Variants in INVS observed in about 807,000 individuals in gnomAD.
INVS encodes the protein inversion of embryo turning homolog.
A neutral mutation model predicts 108.8 loss-of-function variants in INVS; 86 were observed. That is an observed-to-expected ratio of 0.79 (90% CI 0.66 to 0.95). The LOEUF (loss-of-function observed/expected upper bound fraction) is 0.95, where lower values mean the gene tolerates loss of function less well. Ranked by LOEUF, INVS falls within the 40% of genes least tolerant of loss-of-function variation. The probability of loss-of-function intolerance (pLI) is 0.00; values close to 1 mark genes in which losing one functional copy is unlikely to be tolerated. For synonymous variants in INVS, 455 were observed against 473.5 expected, an observed-to-expected ratio of 0.96 and a Z score of 0.51; for missense variants, 1,169 against 1,297.4, an observed-to-expected ratio of 0.90 and a Z score of 1.52.
At chr9:100,175,517 A>G in intron 3 of INVS, 2 of 749,862 alleles carry the variant, frequency 2.7e-6, no homozygotes, top group East Asian at 5.1e-5. Flanking sequence ...AGCAGATGCA[A>G]GAACTTTACA....
At chr9:100,226,034 T>G (rs1367054214) in intron 3 of INVS, 28 bp from the exon 4 acceptor site, 1 of 1,567,668 alleles carries the variant, frequency 6.4e-7, no homozygotes. Context: ...GTACATTTTT[T>G]TCTTATCATC....
intron 10 of INVS, among the ~76,000 whole-genome samples, chr9:100,256,927 G>A (rs892460716): frequency 1.2e-4 from 18 of 152,264 alleles, no homozygotes; most frequent in East Asian, 5.8e-4. Context: ...TATTAGGTCC[G>A]CTTGGTGCAG....
chr9:100,192,472 G>T (rs865819553), intron 3 of INVS, among the ~76,000 whole-genome samples: 11 of 152,160 alleles, frequency 7.2e-5, no homozygotes, highest in Admixed American at 3.3e-4. Flanking sequence ...GTTGGTTACA[G>T]TCTTTAGCTA....
chr9:100,279,451 T>C (rs1260580905), intron 12 of INVS, among the ~76,000 whole-genome samples: 14 of 152,232 alleles, frequency 9.2e-5, no homozygotes, highest in African/African-American at 1.4e-4. Context: ...CATTCAATTA[T>C]GCCACTGTTG....
At position 100,297,946 on chromosome 9, in the gene INVS, C is replaced by T. The variant is rs201136636; in HGVS notation, c.3027C>T (p.His1009=). ...GTTGGTTCATTTCAGGTTGTTCTCACGAAGGGAAAATACATCATCCTACAA... is the reference window on the plus strand; with the variant it reads ...GTTGGTTCATTTCAGGTTGTTCTCATGAAGGGAAAATACATCATCCTACAA... ...SVLKQIYGCS[H]EGKIHHPTRS... The change falls in exon 16 of 17, where the codon CAC becomes CAT. Residue 1009 remains histidine, a synonymous_variant. Coordinates refer to ENST00000262457, the MANE Select transcript of INVS (RefSeq NM_014425.5). 708 of 1,614,146 alleles carry T rather than the reference C, an allele frequency of 4.4e-4. 7 individuals are homozygous for T. In the South Asian group the frequency reaches 7.2e-3, roughly 16 times the overall value.
chr9:100,181,878 A>G (rs1261015288), intron 3 of INVS, among the ~76,000 whole-genome samples: 2 of 152,196 alleles, frequency 1.3e-5, no homozygotes, highest in African/African-American at 4.8e-5. Context: ...CTACAAGCCT[A>G]CAGTAACCAA....
intron 12 of INVS, among the ~76,000 whole-genome samples, chr9:100,283,734 C>T (rs1310017626): frequency 6.6e-6 from 1 of 152,170 alleles, no homozygotes; most frequent in Non-Finnish European, 1.5e-5. Flanking sequence ...ATCACCCTAC[C>T]TTCTGGGTCT....
chr9:100,259,478 A>C (rs1345396576), intron 10 of INVS, among the ~76,000 whole-genome samples: 1 of 151,788 alleles, frequency 6.6e-6, no homozygotes, highest in Non-Finnish European at 1.5e-5. Context: ...GAAATGCAGA[A>C]ATCACCCGTC....
At chr9:100,260,336 T>G (rs1176590969) in intron 10 of INVS, among the ~76,000 whole-genome samples, 2 of 150,622 alleles carry the variant, frequency 1.3e-5, no homozygotes, top group South Asian at 4.2e-4. Context: ...ATTACAGGCA[T>G]GCACCACCAC....
rs558817741 is a variant in INVS at position 100,100,689 on chromosome 9, ATT to A, written c.-25+1274_-25+1275del. 2.7e-4 allele frequency among the ~76,000 whole-genome samples: 9 copies of A among 33,728 alleles called. 3 individuals carry two copies. Among genetic ancestry groups the A allele is most frequent in the African/African-American group, 2.2e-3 (9 of 4,100 alleles). The allele number at this position is 33,728 out of a possible 152,430, so 22.1% of individuals were successfully genotyped here. Reference sequence around the variant, plus strand: ...TTATATATGTACATATAATATATATATTATATATGTACATATAATATATATAT... The same window carrying A: ...TTATATATGTACATATAATATATATAATATATGTACATATAATATATATAT... On this transcript the variant is annotated intron_variant, in intron 1 of 16. Transcript: ENST00000262457.
intron 3 of INVS, among the ~76,000 whole-genome samples, chr9:100,159,061 C>G (rs1171154812): frequency 6.6e-6 from 1 of 152,116 alleles, no homozygotes; most frequent in Non-Finnish European, 1.5e-5. Flanking sequence ...TTTAGTAGAG[C>G]CTGCAGAACC....
intron 2 of INVS, among the ~76,000 whole-genome samples, chr9:100,107,477 A>C (rs1469442711): frequency 6.6e-6 from 1 of 152,058 alleles, no homozygotes; most frequent in Admixed American, 6.5e-5. Context: ...GTATCTCTTT[A>C]CCTGTCCATC....
intron 14 of INVS, among the ~76,000 whole-genome samples, chr9:100,293,474 C>G (rs1188352377): frequency 6.6e-6 from 1 of 152,188 alleles, no homozygotes; most frequent in Non-Finnish European, 1.5e-5. Flanking sequence ...TTCATTAATT[C>G]TAAATTACTA....
chr9:100,211,579 G>T (rs897508175), intron 3 of INVS, among the ~76,000 whole-genome samples: 1 of 152,114 alleles, frequency 6.6e-6, no homozygotes, highest in Non-Finnish European at 1.5e-5. Flanking sequence ...CCACTTGATA[G>T]CTCTGTCTAT....
chr9:100,231,596 A>G (rs951024007), intron 5 of INVS, among the ~76,000 whole-genome samples: 2 of 150,212 alleles, frequency 1.3e-5, no homozygotes, highest in Non-Finnish European at 2.9e-5. Flanking sequence ...TTATGAGAAC[A>G]TGTGGTGTTT....
At chr9:100,156,943 T>TAC (rs140690543) in intron 3 of INVS, among the ~76,000 whole-genome samples, 68,854 of 149,434 alleles carry the variant, frequency 0.46, 17,293 homozygotes, top group East Asian at 0.9. Context: ...TATATATATA[T>TAC]ACACACACAC....
intron 3 of INVS, among the ~76,000 whole-genome samples, chr9:100,212,197 A>T (rs953999645): frequency 1.3e-5 from 2 of 152,226 alleles, no homozygotes; most frequent in African/African-American, 2.4e-5. Context: ...TTATCTAAGC[A>T]TACAAGAAGG....
chr9:100,141,474 G>T (rs1828427420), intron 3 of INVS, among the ~76,000 whole-genome samples: 1 of 152,192 alleles, frequency 6.6e-6, no homozygotes, highest in South Asian at 2.1e-4. Flanking sequence ...ATAAAGGCCG[G>T]TCTGCTATCA....
chr9:100,163,057 A>G (rs1829240881), intron 3 of INVS, among the ~76,000 whole-genome samples: 1 of 152,164 alleles, frequency 6.6e-6, no homozygotes, highest in Admixed American at 6.5e-5. Flanking sequence ...CATAGGCTGT[A>G]GGTCACCTTC....
Sources: allele counts gnomAD v4.1 joint callset (sites outside exome capture counted in the v4.1 genomes callset), GRCh38; gene constraint gnomAD v4.1.1; transcripts MANE v1.5; gene names NCBI Gene and HGNC (gene_info 2026-07-23, HGNC 2026-07-21).